IL1RAPL2: variants seen among roughly 807,000 people sequenced by gnomAD.
IL1RAPL2 encodes X-linked interleukin-1 receptor accessory protein-like 2.
IL1RAPL2 carries 3 observed loss-of-function variants against 44.1 expected under a neutral mutation model. That is an observed-to-expected ratio of 0.07 (90% CI 0.03 to 0.18). The LOEUF (loss-of-function observed/expected upper bound fraction) is 0.18. IL1RAPL2 is among the 10% of genes least tolerant of loss of function. The pLI, the probability that IL1RAPL2 is intolerant of heterozygous loss-of-function variation, is 1.00. For synonymous variants in IL1RAPL2, 181 were observed against 178.8 expected, an observed-to-expected ratio of 1.01 and a Z score of -0.10; for missense variants, 391 against 496.4, an observed-to-expected ratio of 0.79 and a Z score of 2.02.
chrX:105,706,598 G>C (rs1355159377), intron 6 of IL1RAPL2, among the ~76,000 whole-genome samples: 2 of 111,183 alleles, frequency 1.8e-5, no homozygotes, highest in Non-Finnish European at 3.8e-5. Context: ...TTTTACAGGA[G>C]GAGTAATGTA....
chrX:105,256,077 C>G (rs2034311953), intron 4 of IL1RAPL2, among the ~76,000 whole-genome samples: 1 of 111,492 alleles, frequency 9.0e-6, no homozygotes, highest in Non-Finnish European at 1.9e-5. Flanking sequence ...AGGATTTCTG[C>G]ATTGAAGTAC....
rs760951182 is a variant in IL1RAPL2 at position 104,729,040 on chromosome X, G to A, written c.82+70045G>A. On this transcript the variant is annotated intron_variant, in intron 2 of 10. Transcript: ENST00000372582. ...AAGTATGCATGTTAAAAATTTAGGA[G>A]TAATCAACAAAATTATTTAAATAGA... Among the ~76,000 whole-genome samples, 128 of 110,652 alleles carry A rather than the reference G, an allele frequency of 1.2e-3. 1 individual carries two copies. The highest frequency in any genetic ancestry group is 4.0e-3 in the African/African-American group (123 of 30,492).
intron 2 of IL1RAPL2, among the ~76,000 whole-genome samples, chrX:104,685,918 A>G (rs923349455): frequency 1.8e-5 from 2 of 109,207 alleles, no homozygotes; most frequent in African/African-American, 6.7e-5. Flanking sequence ...ACAGAGTGAG[A>G]CTCTGTCTCA....
chrX:105,521,663 C>T (rs1286182536), intron 6 of IL1RAPL2, among the ~76,000 whole-genome samples: 2 of 111,980 alleles, frequency 1.8e-5, no homozygotes, highest in Non-Finnish European at 3.8e-5. Flanking sequence ...TCTCCTGCCA[C>T]CATGTGAAGA....
At chrX:105,205,646 G>C (rs111354193) in intron 3 of IL1RAPL2, among the ~76,000 whole-genome samples, 7 of 86,789 alleles carry the variant, frequency 8.1e-5, no homozygotes, top group African/African-American at 2.9e-4. Flanking sequence ...AGGGCAGTTT[G>C]GTTGGAGTGT....
chrX:104,761,908 T>C (rs1932451343), intron 2 of IL1RAPL2, among the ~76,000 whole-genome samples: 1 of 50,137 alleles, frequency 2.0e-5, no homozygotes, highest in African/African-American at 1.6e-4. Flanking sequence ...TCCTTCTCCT[T>C]CTCCTTCTCC....
At chrX:105,717,226 C>A in intron 6 of IL1RAPL2, 141 bp from the exon 7 acceptor site, 1 of 427,789 alleles carries the variant, frequency 2.3e-6, no homozygotes, top group Non-Finnish European at 3.6e-6. Flanking sequence ...AAATTTTTCC[C>A]AGGTACAATG....
intron 6 of IL1RAPL2, among the ~76,000 whole-genome samples, chrX:105,663,912 A>C (rs2037738591): frequency 8.9e-6 from 1 of 112,469 alleles, no homozygotes; most frequent in Non-Finnish European, 1.9e-5. Context: ...GTTACCAAAA[A>C]TGTTGCACTT....
At chrX:104,952,513 A>G (rs1460032464) in intron 2 of IL1RAPL2, among the ~76,000 whole-genome samples, 1 of 112,362 alleles carries the variant, frequency 8.9e-6, no homozygotes, top group African/African-American at 3.2e-5. Context: ...TTACTTTAAC[A>G]AAAGAAACAT....
intron 2 of IL1RAPL2, among the ~76,000 whole-genome samples, chrX:104,982,218 T>C (rs990667304): frequency 9.0e-6 from 1 of 110,906 alleles, no homozygotes; most frequent in African/African-American, 3.3e-5. Context: ...TTCTTTGGCA[T>C]ATGTGATCAG....
intron 2 of IL1RAPL2, among the ~76,000 whole-genome samples, chrX:105,139,546 G>T (rs1308198941): frequency 1.8e-5 from 2 of 111,852 alleles, no homozygotes; most frequent in Admixed American, 9.4e-5. Flanking sequence ...TCTGGACACT[G>T]GCAGCCAGAG....
chrX:105,110,687 C>G (rs1401238214), intron 2 of IL1RAPL2, among the ~76,000 whole-genome samples: 1 of 111,683 alleles, frequency 9.0e-6, no homozygotes. Context: ...CACCTGTAAT[C>G]CCAGCACTTT....
chrX:104,997,713 A>G (rs2030774247), intron 2 of IL1RAPL2, among the ~76,000 whole-genome samples: 1 of 111,972 alleles, frequency 8.9e-6, no homozygotes. Flanking sequence ...TTTGGCTCTA[A>G]GAAGATGAGG....
chrX:105,312,301 G>C (rs911975372), intron 5 of IL1RAPL2, among the ~76,000 whole-genome samples: 2 of 111,878 alleles, frequency 1.8e-5, no homozygotes, highest in African/African-American at 6.5e-5. Flanking sequence ...TCTTTTATTG[G>C]AAGTGTACAT....
rs768717901 is a variant in IL1RAPL2, at chrX:105,327,898, C to T, written c.697+60357C>T. Among the ~76,000 whole-genome samples the T allele has an allele frequency of 7.2e-5, 8 of 111,438 alleles. No individual in the cohort carries two copies. In the East Asian group the frequency reaches 2.3e-3, roughly 32 times the overall value. On this transcript the variant is annotated intron_variant, in intron 5 of 10. Transcript: ENST00000372582. ...TAATTATACATTTAAATCAGCAAAC[C>T]TTGGGAGAGCATACTTTCTCAGCAA...
intron 4 of IL1RAPL2, among the ~76,000 whole-genome samples, chrX:105,243,563 GTGTGTATATATATATATATA>G (rs1343883249): frequency 1.5e-4 from 11 of 71,081 alleles, no homozygotes; most frequent in Non-Finnish European, 2.3e-4. Flanking sequence ...ATATATATAT[GTGTGTATATATATATATATA>G]TGTGTATATA....
chrX:104,708,585 A>G (rs1416002754), intron 2 of IL1RAPL2, among the ~76,000 whole-genome samples: 1 of 111,298 alleles, frequency 9.0e-6, no homozygotes, highest in Non-Finnish European at 1.9e-5. Context: ...GGACACATCA[A>G]AGTTTGATCT....
chrX:104,789,023 T>C (rs1456357779), intron 2 of IL1RAPL2, among the ~76,000 whole-genome samples: 1 of 112,179 alleles, frequency 8.9e-6, no homozygotes, highest in African/African-American at 3.2e-5. Flanking sequence ...GCATGAAGCA[T>C]ATATTAAGTG....
At chrX:105,545,208 G>A (rs948602267) in intron 6 of IL1RAPL2, among the ~76,000 whole-genome samples, 4 of 111,927 alleles carry the variant, frequency 3.6e-5, no homozygotes, top group Admixed American at 9.5e-5. Context: ...TTTCAGCATT[G>A]AAGGTCTTCC....
Sources: allele counts gnomAD v4.1 joint callset (sites outside exome capture counted in the v4.1 genomes callset), GRCh38; gene constraint gnomAD v4.1.1; transcripts MANE v1.5; gene names NCBI Gene and HGNC (gene_info 2026-07-23, HGNC 2026-07-21).